The following ROBO2 variants were observed in gnomAD, a reference collection of about 807,000 sequenced individuals.
ROBO2 encodes the protein roundabout homolog 2.
Under a neutral mutation model 160.8 loss-of-function variants are expected in ROBO2, and 53 were observed. The observed-to-expected ratio is 0.33, with a 90% CI of 0.26 to 0.41. The LOEUF is 0.41. Among genes scored for constraint, ROBO2 ranks in the 10% least tolerant of loss-of-function variants. The pLI is 1.00. For synonymous variants in ROBO2, 664 were observed against 611.7 expected, an observed-to-expected ratio of 1.09 and a Z score of -1.26; for missense variants, 1,577 against 1,722.4, an observed-to-expected ratio of 0.92 and a Z score of 1.49.
At chr3:76,966,635 G>A (rs1226820542) in intron 2 of ROBO2, among the ~76,000 whole-genome samples, 1 of 152,194 alleles carries the variant, frequency 6.6e-6, no homozygotes, top group Non-Finnish European at 1.5e-5. Flanking sequence ...TCACATTAGA[G>A]TGGGTTCAAG....
chr3:76,268,762 A>G (rs1197185014), intron 2 of ROBO2, among the ~76,000 whole-genome samples: 2 of 152,152 alleles, frequency 1.3e-5, no homozygotes, highest in African/African-American at 2.4e-5. Context: ...CTTCAATTTA[A>G]TAGTTTTTTA....
intron 2 of ROBO2, among the ~76,000 whole-genome samples, chr3:76,225,962 C>A (rs2107443509): frequency 6.6e-6 from 1 of 152,138 alleles, no homozygotes; most frequent in East Asian, 1.9e-4. Flanking sequence ...ACTTCCAAAT[C>A]TTAAAAATTG....
At chr3:76,246,646 G>A (rs1402324732) in intron 2 of ROBO2, among the ~76,000 whole-genome samples, 1 of 152,008 alleles carries the variant, frequency 6.6e-6, no homozygotes, top group Admixed American at 6.6e-5. Context: ...TTTTGTTACT[G>A]CTGTGCATAA....
chr3:76,583,138 G>A (rs1161943621), intron 2 of ROBO2, among the ~76,000 whole-genome samples: 1 of 152,114 alleles, frequency 6.6e-6, no homozygotes, highest in Non-Finnish European at 1.5e-5. Flanking sequence ...GGCAAAACAT[G>A]AATACCTTAT....
intron 2 of ROBO2, among the ~76,000 whole-genome samples, chr3:76,005,191 T>G (rs2107584179): frequency 6.6e-6 from 1 of 152,304 alleles, no homozygotes; most frequent in East Asian, 1.9e-4. Flanking sequence ...CAGCACAGAC[T>G]GAATGGAAAT....
At chr3:77,395,360 A>T (rs548405729) in intron 2 of ROBO2, among the ~76,000 whole-genome samples, 1 of 152,154 alleles carries the variant, frequency 6.6e-6, no homozygotes, top group Non-Finnish European at 1.5e-5. Flanking sequence ...CCTCATCCCC[A>T]AACAGATGTT....
At chr3:75,978,599 AAGT>A (rs199961237) in intron 2 of ROBO2, among the ~76,000 whole-genome samples, 2 of 151,468 alleles carry the variant, frequency 1.3e-5, no homozygotes, top group African/African-American at 4.8e-5. Flanking sequence ...ATTTAATATG[AAGT>A]ATTTGGTTTT....
At chr3:76,197,218 G>A (rs111731700) in intron 2 of ROBO2, among the ~76,000 whole-genome samples, 1 of 147,368 alleles carries the variant, frequency 6.8e-6, no homozygotes, top group African/African-American at 2.6e-5. Context: ...ATCTGGGACT[G>A]CCTTTCTCCT....
rs542280581 is a variant in ROBO2, at chr3:77,040,327, G to A, written c.-459G>A. 5,021 of 995,630 alleles carry A rather than the reference G, an allele frequency of 5.0e-3. 16 individuals carry two copies. The highest frequency in any genetic ancestry group is 5.6e-3 in the Non-Finnish European group (4,677 of 837,112). The allele number at this position is 995,630 out of a possible 1,614,324, so 61.7% of individuals were successfully genotyped here. A position where few individuals can be genotyped will look rare whatever the true frequency, so the allele number is the denominator to read the frequency against. ...AGCTGCTACGGAGAAGGAAACCGGG[G>A]GAAAGAAAACCAGTAGGCAGGCCAA... is the stretch of plus-strand genomic sequence containing the variant. On this transcript the variant is annotated 5_prime_UTR_variant, in exon 1 of 26. Coordinates refer to ENST00000461745, the Ensembl canonical transcript of ROBO2.
chr3:76,291,960 A>G (rs560184321), intron 2 of ROBO2, among the ~76,000 whole-genome samples: 3 of 151,958 alleles, frequency 2.0e-5, no homozygotes, highest in African/African-American at 4.8e-5. Context: ...GGTATGTACT[A>G]TGTGCAGATG....
chr3:76,544,117 C>G (rs866334426), intron 2 of ROBO2, among the ~76,000 whole-genome samples: 56 of 152,014 alleles, frequency 3.7e-4, no homozygotes, highest in African/African-American at 1.3e-3. Context: ...GCCACTTTGC[C>G]AAGACTGAGC....
At chr3:77,641,799 G>A (rs73116510) in intron 24 of ROBO2, among the ~76,000 whole-genome samples, 15,359 of 151,946 alleles carry the variant, frequency 0.1, 999 homozygotes, top group Middle Eastern at 0.2. Flanking sequence ...TTTCACAGTC[G>A]AAGGCATACA....
At chr3:76,517,952 T>G (rs1002591679) in intron 2 of ROBO2, among the ~76,000 whole-genome samples, 1 of 152,160 alleles carries the variant, frequency 6.6e-6, no homozygotes, top group Non-Finnish European at 1.5e-5. Flanking sequence ...AGTTCTGATG[T>G]TTATCATTCC....
chr3:76,050,725 G>A (rs2067627248), intron 2 of ROBO2, among the ~76,000 whole-genome samples: 1 of 152,166 alleles, frequency 6.6e-6, no homozygotes, highest in East Asian at 1.9e-4. Context: ...GGCCAGAGCT[G>A]TTTCCAGATC....
intron 2 of ROBO2, among the ~76,000 whole-genome samples, chr3:76,869,571 G>A (rs2071794079): frequency 6.6e-6 from 1 of 151,592 alleles, no homozygotes; most frequent in Admixed American, 6.6e-5. Flanking sequence ...GGATGGTCTC[G>A]ATCTCCTGAC....
chr3:75,979,526 A>G (rs1013050208), intron 2 of ROBO2, among the ~76,000 whole-genome samples: 2 of 151,424 alleles, frequency 1.3e-5, no homozygotes, highest in African/African-American at 4.8e-5. Flanking sequence ...TTTTTTCACA[A>G]TCTAACCTAT....
chr3:76,745,268 C>T (rs1694683685), intron 2 of ROBO2, among the ~76,000 whole-genome samples: 2 of 151,976 alleles, frequency 1.3e-5, no homozygotes, highest in South Asian at 4.1e-4. Flanking sequence ...ACTGAAAACT[C>T]GAGTTACTAT....
intron 22 of ROBO2, among the ~76,000 whole-genome samples, chr3:77,621,419 C>G (rs763769316): frequency 3.3e-5 from 5 of 149,434 alleles, no homozygotes; most frequent in Non-Finnish European, 7.4e-5. Context: ...GAACAAGACC[C>G]CTTCTCTCCA....
In ROBO2 at chr3:77,644,919, C is replaced by A; in HGVS notation, c.4135+15C>A. 6.2e-7 allele frequency: 1 copy of A among 1,610,000 alleles called. No homozygotes were observed. Among genetic ancestry groups the A allele is most frequent in the East Asian group, 2.2e-5 (1 of 44,846 alleles). ...AGGTGAATTATGTAAGTGCTTAGGT[C>A]ATTTAAAAGGCTATCGTGATTCAGA... On this transcript the variant is annotated intron_variant, in intron 25 of 25. Transcript: ENST00000461745.
Sources: allele counts gnomAD v4.1 joint callset (sites outside exome capture counted in the v4.1 genomes callset), GRCh38; gene constraint gnomAD v4.1.1; transcripts MANE v1.5; gene names NCBI Gene and HGNC (gene_info 2026-07-23, HGNC 2026-07-21).